The following CEP83 variants were observed in gnomAD, a reference collection of about 807,000 sequenced individuals.
CEP83 encodes the protein centrosomal protein 83, also known as centrosomal protein of 83 kDa.
Under a neutral mutation model 101.9 loss-of-function variants are expected in CEP83, and 70 were observed. The observed-to-expected ratio is 0.69, with a 90% CI of 0.57 to 0.84. CEP83 has a LOEUF of 0.84. Ranked by LOEUF, CEP83 falls within the 40% of genes least tolerant of loss-of-function variation. The pLI is 0.00. For missense variants in CEP83, 715 were observed against 787.2 expected (o/e 0.91, Z 1.10); for synonymous variants, 264 against 267.9 (o/e 0.99, Z 0.14).
intron 14 of CEP83, 49 bp from the exon 15 acceptor site, chr12:94,313,066 GAACAA>G (rs759294112): frequency 2.5e-6 from 2 of 798,590 alleles, no homozygotes; most frequent in East Asian, 5.5e-5. Flanking sequence ...TCTCTTATTT[GAACAA>G]AACTATATAG....
At chr12:94,420,206 GA>G (rs1023282062) in intron 2 of CEP83, among the ~76,000 whole-genome samples, 1 of 151,904 alleles carries the variant, frequency 6.6e-6, no homozygotes, top group Non-Finnish European at 1.5e-5. Flanking sequence ...TTCACTTTGG[GA>G]AAAAAACTAG....
At chr12:94,380,366 G>A (rs2061779659) in intron 6 of CEP83, among the ~76,000 whole-genome samples, 1 of 152,128 alleles carries the variant, frequency 6.6e-6, no homozygotes, top group African/African-American at 2.4e-5. Flanking sequence ...CTATCCAGCA[G>A]ACAAATATTA....
intron 8 of CEP83, among the ~76,000 whole-genome samples, chr12:94,372,798 G>A (rs1178579499): frequency 6.6e-6 from 1 of 152,182 alleles, no homozygotes; most frequent in Non-Finnish European, 1.5e-5. Flanking sequence ...TAAACCAGTG[G>A]TATATGCTCA....
intron 2 of CEP83, among the ~76,000 whole-genome samples, chr12:94,412,976 C>T (rs999687653): frequency 6.6e-6 from 1 of 152,122 alleles, no homozygotes; most frequent in Admixed American, 6.5e-5. Flanking sequence ...CCTCAGCCTC[C>T]CGAGTAGCTG....
chr12:94,412,486 A>G lies in CEP83; in HGVS notation c.5T>C (p.Val2Ala), dbSNP rs1022484311. 2 of 1,610,576 alleles carry G rather than the reference A, an allele frequency of 1.2e-6. No homozygotes were observed. The highest frequency in any genetic ancestry group is 2.7e-5 in the African/African-American group (2 of 74,654). The change falls in exon 3 of 17, where the codon GTT becomes GCT. Residue 2 changes from valine to alanine, a missense_variant. Transcript: ENST00000397809. Reference sequence around the variant, plus strand: ...GTCCATATCGGTAAATGTGCTGACAACCATGTAAAAATAAGTTTTGGCTTT... The same window carrying G: ...GTCCATATCGGTAAATGTGCTGACAGCCATGTAAAAATAAGTTTTGGCTTT... Reference protein sequence around the residue: MVVSTFTDMDTF... With the variant: MAVSTFTDMDTF...
rs532826600 is a variant in CEP83, at chr12:94,386,629, C to G, written c.550-7587G>C. On this transcript the variant is annotated intron_variant, in intron 6 of 16. Transcript: ENST00000397809. Reference sequence around the variant, plus strand: ...TTCCTTCCCTCAGATCTGCCCTGTGCTGCCTATTTTCCAATGTCTGAAAAC... The same window carrying G: ...TTCCTTCCCTCAGATCTGCCCTGTGGTGCCTATTTTCCAATGTCTGAAAAC... Among the ~76,000 whole-genome samples, 298 of 152,246 alleles carry G rather than the reference C, an allele frequency of 2.0e-3. 5 individuals carry two copies. The highest frequency in any genetic ancestry group is 1.7e-3 in the Non-Finnish European group (118 of 68,020).
At chr12:94,290,101 T>C in the CEP83 span, among the ~76,000 whole-genome samples, 2 of 152,228 alleles carry the variant, frequency 1.3e-5, no homozygotes, top group African/African-American at 4.8e-5. Flanking sequence ...AAACAAAGCG[T>C]CTGACAGTAG....
chr12:94,268,588 C>T, the CEP83 span, among the ~76,000 whole-genome samples: 23 of 90,886 alleles, frequency 2.5e-4, no homozygotes, highest in Middle Eastern at 8.3e-3. Context: ...AGAATAAGAC[C>T]TTTTTTTTTT....
At chr12:94,313,905 A>C (rs1970261817) in intron 14 of CEP83, among the ~76,000 whole-genome samples, 1 of 152,226 alleles carries the variant, frequency 6.6e-6, no homozygotes, top group South Asian at 2.1e-4. Flanking sequence ...ATAAAGTACT[A>C]CCAAATTAAT....
chr12:94,380,071 CAAAAAAA>C (rs11362391), intron 6 of CEP83, among the ~76,000 whole-genome samples: 2 of 83,190 alleles, frequency 2.4e-5, no homozygotes, highest in Admixed American at 1.3e-4. Flanking sequence ...CCCGGCCCTG[CAAAAAAA>C]AAAAAAAAAA....
At chr12:94,348,201 T>C (rs145389819) in intron 11 of CEP83, among the ~76,000 whole-genome samples, 9 of 150,730 alleles carry the variant, frequency 6.0e-5, no homozygotes, top group South Asian at 2.1e-4. Flanking sequence ...AAAGGGGAAA[T>C]AAGCATTGAA....
intron 6 of CEP83, among the ~76,000 whole-genome samples, chr12:94,386,742 CCAGA>C (rs146254371): frequency 3.5e-4 from 54 of 152,276 alleles, no homozygotes; most frequent in African/African-American, 1.2e-3. Flanking sequence ...GCAGAAATCC[CCAGA>C]CTACTTAGAT....
At chr12:94,405,858 G>C (rs1207128549) in intron 4 of CEP83, among the ~76,000 whole-genome samples, 1 of 152,152 alleles carries the variant, frequency 6.6e-6, no homozygotes, top group African/African-American at 2.4e-5. Context: ...GCAGAGAAAA[G>C]AGGGCACAGA....
At chr12:94,360,004 G>A (rs11524967) in intron 11 of CEP83, among the ~76,000 whole-genome samples, 386 of 152,152 alleles carry the variant, frequency 2.5e-3, no homozygotes, top group Admixed American at 3.9e-3. Context: ...GTGATACATC[G>A]TATCAACTGA....
rs1161481202 is a variant in CEP83, at chr12:94,343,470, C to CTTT, written c.1344-7809_1344-7807dup. On this transcript the variant is annotated intron_variant, in intron 11 of 16. Transcript: ENST00000397809. Reference sequence around the variant, plus strand: ...ACAATGCAATAAAGCTAGAAATTAACTTTTTTTTTTTTTTTTTTTTTTTTT... The same window carrying CTTT: ...ACAATGCAATAAAGCTAGAAATTAACTTTTTTTTTTTTTTTTTTTTTTTTTTTT... Among the ~76,000 whole-genome samples the CTTT allele has an allele frequency of 6.5e-4, 55 of 84,174 alleles. 4 individuals are homozygous for CTTT. The highest frequency in any genetic ancestry group is 8.8e-4 in the Non-Finnish European group (41 of 46,438). The allele number at this position is 84,174 out of a possible 152,430, so 55.2% of individuals were successfully genotyped here. A position where few individuals can be genotyped will look rare whatever the true frequency, so the allele number is the denominator to read the frequency against.
chr12:94,292,836 G>A, the CEP83 span, among the ~76,000 whole-genome samples: 1 of 152,194 alleles, frequency 6.6e-6, no homozygotes, highest in East Asian at 1.9e-4. Flanking sequence ...AGATTTTGGA[G>A]CATTTTGAAT....
Position 94,378,936 on chromosome 12 carries a change from T to C in CEP83, c.656A>G (p.Tyr219Cys), listed in dbSNP as rs1243648239. The change falls in exon 7 of 17, where the codon TAT (tyrosine) becomes TGT (cysteine). Residue 219 changes from tyrosine (Y) to cysteine (C), a missense_variant. Coordinates refer to ENST00000397809, the MANE Select transcript of CEP83 (RefSeq NM_016122.3). ...TAAACCTTTTAATTTTTGACACAAATAGACTTTTTCTCGAGCAAGTTGTTC... is the reference window on the plus strand; with the variant it reads ...TAAACCTTTTAATTTTTGACACAAACAGACTTTTTCTCGAGCAAGTTGTTC... ...RVEQLAREKV[Y>C]LCQKLKGLEA... 3 of 1,614,002 alleles carry C rather than the reference T, an allele frequency of 1.9e-6. No individual in the cohort carries two copies. The highest frequency in any genetic ancestry group is 1.3e-5 in the African/African-American group (1 of 74,930).
chr12:94,406,290 A>C (rs1229695697), intron 4 of CEP83, among the ~76,000 whole-genome samples: 2 of 152,070 alleles, frequency 1.3e-5, no homozygotes, highest in African/African-American at 4.8e-5. Context: ...ACTCCATTGC[A>C]CTCCAGCCTG....
intron 2 of CEP83, among the ~76,000 whole-genome samples, chr12:94,431,154 A>G (rs952215291): frequency 3.3e-5 from 5 of 152,220 alleles, no homozygotes; most frequent in Admixed American, 6.5e-5. Context: ...ACAAATAGCC[A>G]TCTAATTTTG....
Sources: allele counts gnomAD v4.1 joint callset (sites outside exome capture counted in the v4.1 genomes callset), GRCh38; gene constraint gnomAD v4.1.1; transcripts MANE v1.5; gene names NCBI Gene and HGNC (gene_info 2026-07-23, HGNC 2026-07-21).